PAH: variants seen among roughly 807,000 people sequenced by gnomAD.
PAH encodes the protein phenylalanine hydroxylase.
PAH carries 64 observed loss-of-function variants against 62.0 expected under a neutral mutation model. The observed-to-expected ratio is 1.03, with a 90% CI of 0.84 to 1.27. The LOEUF (loss-of-function observed/expected upper bound fraction) is 1.27. Ranked by LOEUF, PAH falls within the 50% of genes most tolerant of loss-of-function variation. The probability of loss-of-function intolerance (pLI) is 0.00; values close to 1 mark genes in which losing one functional copy is unlikely to be tolerated. For synonymous variants in PAH, 195 were observed against 196.2 expected (o/e 0.99, Z 0.05); for missense variants, 579 against 542.8 (o/e 1.07, Z -0.66).
At chr12:102,919,555 T>G (rs1422076595), upstream of PAH, among the ~76,000 whole-genome samples, 1 of 152,214 alleles carries the variant, frequency 6.6e-6, no homozygotes, top group Non-Finnish European at 1.5e-5. Context: ...TTTCTATATT[T>G]TTTTGTACCT....
chr12:102,858,863 A>G (rs1081847), intron 5 of PAH, among the ~76,000 whole-genome samples: 97,411 of 152,004 alleles, frequency 0.64, 32,574 homozygotes, highest in African/African-American at 0.78. Context: ...TGCCCACAAG[A>G]GAAAGCAGGA....
Position 102,870,590 on chromosome 12 carries a change from G to A in PAH, c.442-3927C>T, listed in dbSNP as rs372638813. 1.9e-4 allele frequency among the ~76,000 whole-genome samples: 29 copies of A among 152,268 alleles called. 1 individual carries two copies. In the South Asian group the frequency reaches 5.4e-3, roughly 28 times the overall value. ...TATAAAAAAGATGTACTCTGGAATG[G>A]GTCAGTGATCCCCACCAGCCACAAG... On this transcript the variant is annotated intron_variant, in intron 4 of 12. Coordinates refer to ENST00000553106, the MANE Select transcript of PAH (RefSeq NM_000277.3).
Position 102,957,555 on chromosome 12 carries a change from G to C in PAH, c.-96+640C>G, listed in dbSNP as rs1041277606. 1.3e-5 allele frequency: 2 copies of C among 150,450 alleles called. No individual in the cohort carries two copies. The highest frequency in any genetic ancestry group is 1.5e-5 in the Non-Finnish European group (1 of 67,402). The allele number at this position is 150,450 out of a possible 1,614,324, so 9.3% of individuals were successfully genotyped here. ...GGTGGGAGGAAGAGGTAAGAGGAGG[G>C]GGGGGAGTGGGGGCTGCAGCCGCTC... On this transcript the variant is annotated intron_variant, in intron 1 of 4. Coordinates refer to the PAH transcript ENST00000551337. This position sits in a 1 kb window ranked among gnomAD's most constrained non-coding sequence, Gnocchi z 4.1.
chr12:102,919,917 G>T (rs1878511830), upstream of PAH, among the ~76,000 whole-genome samples: 1 of 152,128 alleles, frequency 6.6e-6, no homozygotes, highest in Non-Finnish European at 1.5e-5. Context: ...TAAAAGAACA[G>T]ACATCTCTTT....
intron 2 of PAH, among the ~76,000 whole-genome samples, chr12:102,907,791 G>C (rs1878035516): frequency 6.6e-6 from 1 of 151,926 alleles, no homozygotes; most frequent in Non-Finnish European, 1.5e-5. Context: ...GATAATTTTT[G>C]TATTTTTAGT....
At chr12:102,848,960 G>T (rs1875023847) in intron 8 of PAH, among the ~76,000 whole-genome samples, 1 of 152,092 alleles carries the variant, frequency 6.6e-6, no homozygotes. Flanking sequence ...GAGGTTGAGA[G>T]TAAATGGGAC....
At chr12:102,958,364 C>T in exon 1 of PAH, 3 of 1,437,992 alleles carry the variant, frequency 2.1e-6, no homozygotes, top group African/African-American at 1.5e-5. Flanking sequence ...CCGCGGCGGC[C>T]GCAGCCGCCG....
chr12:102,894,268 G>C (rs577632586), intron 3 of PAH, among the ~76,000 whole-genome samples: 18 of 152,016 alleles, frequency 1.2e-4, no homozygotes, highest in African/African-American at 3.6e-4. Context: ...TGGGTATTAT[G>C]CTGATTACCT....
intron 1 of PAH, among the ~76,000 whole-genome samples, chr12:102,942,354 G>A (rs941082094): frequency 6.6e-6 from 1 of 152,082 alleles, no homozygotes. Flanking sequence ...TGGGCATACA[G>A]CTAACCAGGG....
intron 6 of PAH, chr12:102,853,275 T>G (rs1222377211): frequency 1.9e-5 from 7 of 360,530 alleles, no homozygotes; most frequent in African/African-American, 1.3e-4. Flanking sequence ...TAAATTTAGC[T>G]TTCATTACCA....
chr12:102,921,872 C>T (rs1379397411), upstream of PAH, among the ~76,000 whole-genome samples: 3 of 152,062 alleles, frequency 2.0e-5, no homozygotes, highest in Non-Finnish European at 4.4e-5. Context: ...GAAAGTTATC[C>T]CTTATATTTT....
At chr12:102,927,401 C>A (rs1344904367) in intron 1 of PAH, among the ~76,000 whole-genome samples, 1 of 149,488 alleles carries the variant, frequency 6.7e-6, no homozygotes, top group Admixed American at 6.8e-5. Context: ...GATTTTGTTT[C>A]CACTCTTCTG....
At chr12:102,877,432 A>G (rs560604480) in intron 4 of PAH, 30 bp downstream of exon 4, 1 of 1,553,668 alleles carries the variant, frequency 6.4e-7, no homozygotes, top group Admixed American at 1.7e-5. Context: ...AGGCACTGAA[A>G]AAATCTCATC....
At chr12:102,948,836 T>C (rs1879611234) in intron 1 of PAH, among the ~76,000 whole-genome samples, 1 of 152,228 alleles carries the variant, frequency 6.6e-6, no homozygotes, top group Non-Finnish European at 1.5e-5. Context: ...GGATAAAGCT[T>C]CAGAATCTGA....
upstream of PAH, among the ~76,000 whole-genome samples, chr12:102,954,926 G>C (rs186169190): frequency 2.6e-5 from 4 of 152,198 alleles, no homozygotes; most frequent in Admixed American, 6.5e-5. Flanking sequence ...TTACTTGAGT[G>C]GGGGGAGGAG....
chr12:102,909,518 C>A (rs1322397533), intron 2 of PAH, among the ~76,000 whole-genome samples: 1 of 152,144 alleles, frequency 6.6e-6, no homozygotes, highest in African/African-American at 2.4e-5. Flanking sequence ...AAACTCTTCT[C>A]CCCCTTCCAT....
At chr12:102,852,745 C>T (rs1875211183) in intron 7 of PAH, 70 bp downstream of exon 7, 1 of 1,599,090 alleles carries the variant, frequency 6.3e-7, no homozygotes, top group Admixed American at 1.7e-5. Flanking sequence ...GAACCCAAAC[C>T]TCATTCTTGC....
At chr12:102,936,501 G>A (rs1879104446) in intron 1 of PAH, among the ~76,000 whole-genome samples, 3 of 152,078 alleles carry the variant, frequency 2.0e-5, no homozygotes, top group Non-Finnish European at 2.9e-5. Context: ...AGCTATTATT[G>A]TATGGGAATC....
intron 1 of PAH, among the ~76,000 whole-genome samples, chr12:102,937,888 T>C (rs1378082767): frequency 3.9e-5 from 6 of 152,186 alleles, no homozygotes; most frequent in South Asian, 2.1e-4. Context: ...GTTTTGTTTG[T>C]CTGGGAAAGT....
Sources: allele counts gnomAD v4.1 joint callset (sites outside exome capture counted in the v4.1 genomes callset), GRCh38; gene constraint gnomAD v4.1.1; non-coding constraint Gnocchi (gnomAD v3.1); transcripts MANE v1.5; gene names NCBI Gene and HGNC (gene_info 2026-07-23, HGNC 2026-07-21).